DNAH7: variants seen among roughly 807,000 people sequenced by gnomAD.
DNAH7 encodes the protein axonemal beta dynein heavy chain 7.
A neutral mutation model predicts 444.6 loss-of-function variants in DNAH7; 397 were observed. The observed-to-expected ratio is 0.89, with a 90% CI of 0.82 to 0.97. The LOEUF (loss-of-function observed/expected upper bound fraction) is 0.97. Among genes scored for constraint, DNAH7 ranks in the 50% least tolerant of loss-of-function variants. DNAH7 has a pLI of 0.00. For missense variants in DNAH7, 4,902 were observed against 4,800.8 expected, an observed-to-expected ratio of 1.02 and a Z score of -0.62; for synonymous variants, 1,636 against 1,624.4, an observed-to-expected ratio of 1.01 and a Z score of -0.17.
intron 5 of DNAH7, among the ~76,000 whole-genome samples, chr2:196,030,311 A>G (rs1461252172): frequency 1.3e-5 from 2 of 152,202 alleles, no homozygotes; most frequent in Non-Finnish European, 2.9e-5. Flanking sequence ...AACCAACCCC[A>G]TGATTCAATT....
intron 38 of DNAH7, among the ~76,000 whole-genome samples, chr2:195,873,941 T>C (rs1380932092): frequency 6.6e-6 from 1 of 152,196 alleles, no homozygotes; most frequent in African/African-American, 2.4e-5. Flanking sequence ...GTCAAAACTA[T>C]ATTACTAAGG....
intron 17 of DNAH7, among the ~76,000 whole-genome samples, 194 bp from the exon 18 acceptor site, chr2:195,961,139 G>A (rs996350637): frequency 1.3e-5 from 2 of 151,946 alleles, no homozygotes; most frequent in Non-Finnish European, 2.9e-5. Context: ...TGACAAAAAT[G>A]TACATATTTA....
chr2:195,801,293 T>C (rs1015348265), intron 54 of DNAH7, among the ~76,000 whole-genome samples: 1 of 148,622 alleles, frequency 6.7e-6, no homozygotes, highest in Non-Finnish European at 1.5e-5. Context: ...TGCTCTGAAA[T>C]ATATATATAT....
Position 195,864,871 on chromosome 2 carries a change from C to CTT in DNAH7, c.6782_6783dup (p.Ala2262LysfsTer8). 1 of 1,614,094 alleles carries CTT rather than the reference C, an allele frequency of 6.2e-7. No homozygotes were observed. Among genetic ancestry groups the CTT allele is most frequent in the Non-Finnish European group, 8.5e-7 (1 of 1,180,030 alleles). On this transcript the variant is annotated frameshift_variant, in exon 41 of 65. Coordinates refer to ENST00000312428, the MANE Select transcript of DNAH7 (RefSeq NM_018897.3). LOFTEE classifies it high-confidence loss of function. ...AACATTAAGCTGCGTAAGTCATCTG[C>CTT]TTCCACCATGCCATCATTATCAAAA...
Position 196,002,753 on chromosome 2 carries a change from G to A in DNAH7, c.990-895C>T, listed in dbSNP as rs1007581301. ...CTGGGTGCAGTGGCTCACACCTGTA[G>A]TCTCACCACTTTGGGAGGCCAAGGT... On this transcript the variant is annotated intron_variant, in intron 10 of 64. Coordinates refer to ENST00000312428, the MANE Select transcript of DNAH7 (RefSeq NM_018897.3). 2.0e-5 allele frequency among the ~76,000 whole-genome samples: 3 copies of A among 152,088 alleles called. No individual in the cohort carries two copies. In the East Asian group the frequency reaches 5.8e-4, roughly 29 times the overall value.
chr2:195,998,092 T>A (rs1423599650), intron 12 of DNAH7, among the ~76,000 whole-genome samples: 1 of 152,230 alleles, frequency 6.6e-6, no homozygotes, highest in African/African-American at 2.4e-5. Flanking sequence ...CCATTACCCA[T>A]GAATGATGCC....
chr2:195,830,857 A>T (rs903454513), intron 48 of DNAH7, among the ~76,000 whole-genome samples: 2 of 152,224 alleles, frequency 1.3e-5, no homozygotes, highest in African/African-American at 4.8e-5. Context: ...TCATGAAACT[A>T]AAGACTGAGT....
chr2:196,027,914 G>A, intron 6 of DNAH7, 46 bp downstream of exon 6: 3 of 1,556,630 alleles, frequency 1.9e-6, no homozygotes, highest in Non-Finnish European at 2.6e-6. Context: ...ATCTTCAAGT[G>A]TTTCTTTCCT....
chr2:195,992,255 C>A (rs1289144721), intron 12 of DNAH7, among the ~76,000 whole-genome samples: 1 of 152,228 alleles, frequency 6.6e-6, no homozygotes, highest in Non-Finnish European at 1.5e-5. Flanking sequence ...CCTCTCCCTC[C>A]TCCACCCCAA....
intron 1 of DNAH7, among the ~76,000 whole-genome samples, chr2:196,058,693 T>C (rs548654262): frequency 2.0e-5 from 3 of 152,240 alleles, no homozygotes; most frequent in Admixed American, 6.5e-5. Context: ...TTAAAGTTCT[T>C]GATAAATAAA....
Position 196,059,513 on chromosome 2 carries a change from G to C in DNAH7, c.16-1397C>G, listed in dbSNP as rs62203393. Among the ~76,000 whole-genome samples the C allele has an allele frequency of 2.0e-3, 302 of 152,288 alleles. 1 individual carries two copies. Among genetic ancestry groups the C allele is most frequent in the Non-Finnish European group, 3.4e-3 (233 of 68,026 alleles). On this transcript the variant is annotated intron_variant, in intron 1 of 64. Transcript: ENST00000312428. ...TTTGACAACCAGCATATTATCATGGGTGCCAAGAAGCACTGTAAGAGGAAG... is the reference window on the plus strand; with the variant it reads ...TTTGACAACCAGCATATTATCATGGCTGCCAAGAAGCACTGTAAGAGGAAG...
intron 38 of DNAH7, among the ~76,000 whole-genome samples, chr2:195,875,164 A>G (rs535149693): frequency 7.9e-5 from 12 of 152,304 alleles, no homozygotes; most frequent in African/African-American, 2.2e-4. Context: ...TCCCTACTTA[A>G]ATTCTTCTCA....
At chr2:195,952,623 C>T (rs1051587371) in intron 19 of DNAH7, among the ~76,000 whole-genome samples, 4 of 152,076 alleles carry the variant, frequency 2.6e-5, no homozygotes, top group African/African-American at 9.6e-5. Flanking sequence ...AGGCTTTGTT[C>T]GTTCCTTTTC....
At position 195,834,354 on chromosome 2, in the gene DNAH7, TG is replaced by T; in HGVS notation, c.8951del (p.Ala2984GlufsTer6). 1 of 1,590,460 alleles carries T rather than the reference TG, an allele frequency of 6.3e-7. No individual in the cohort carries two copies. Among genetic ancestry groups the T allele is most frequent in the South Asian group, 1.1e-5 (1 of 88,754 alleles). ...SIDNGIIIMNARRWPLMIDPQ... is the reference protein window; with the variant it reads ...SIDNGIIIMNXRRWPLMIDPQ... The stretch of plus-strand genomic sequence containing the variant: ...GATCTATCATCAGAGGCCACCTTCT[TG>T]CATTCCTGAAAAGGAGGAGAAAGAC... On this transcript the variant is annotated frameshift_variant, in exon 48 of 65. Transcript: ENST00000312428. LOFTEE classifies it high-confidence loss of function.
At chr2:195,925,126 T>C (rs1442086038) in intron 22 of DNAH7, among the ~76,000 whole-genome samples, 1 of 149,162 alleles carries the variant, frequency 6.7e-6, no homozygotes, top group Non-Finnish European at 1.5e-5. Context: ...CCTGAAATAC[T>C]TCATCTTTTT....
chr2:196,001,923 A>T (rs931802307), intron 10 of DNAH7, 65 bp from the exon 11 acceptor site: 70 of 1,304,356 alleles, frequency 5.4e-5, no homozygotes, highest in Non-Finnish European at 7.2e-5. Flanking sequence ...TATATTAAGC[A>T]TTAACACTAA....
chr2:195,754,313 G>A (rs376496745), intron 63 of DNAH7, 24 bp downstream of exon 63: 223 of 1,602,772 alleles, frequency 1.4e-4, no homozygotes, highest in African/African-American at 2.0e-4. Context: ...GATATGAGCC[G>A]ACTCATTCTG....
rs538528927 is a variant in DNAH7 at position 195,778,701 on chromosome 2, T to A, written c.10879-716A>T. Among the ~76,000 whole-genome samples, 128 of 76,836 alleles carry A rather than the reference T, an allele frequency of 1.7e-3. 2 individuals are homozygous for A. Among genetic ancestry groups the A allele is most frequent in the African/African-American group, 5.4e-3 (112 of 20,872 alleles). 50.4% of individuals were successfully genotyped at this position (76,836 alleles called of 152,430 possible). On this transcript the variant is annotated intron_variant, in intron 58 of 64. Transcript: ENST00000312428. ...ACACACATATATATACACATATATA[T>A]ATACACATATATATACACATATATA... is the stretch of plus-strand genomic sequence containing the variant.
intron 41 of DNAH7, among the ~76,000 whole-genome samples, 167 bp downstream of exon 41, chr2:195,863,982 T>C (rs1259789205): frequency 6.6e-6 from 1 of 152,232 alleles, no homozygotes; most frequent in Non-Finnish European, 1.5e-5. Flanking sequence ...TAAATACTTT[T>C]CTATTATAAT....
Sources: gnomAD v4.1 joint callset for allele counts (sites outside exome capture counted in the v4.1 genomes callset) on GRCh38, gnomAD v4.1.1 for gene constraint, MANE v1.5 for transcripts, NCBI Gene and HGNC (gene_info 2026-07-23, HGNC 2026-07-21) for gene names.